ITPR3: variants seen among roughly 807,000 people sequenced by gnomAD.
The protein encoded by ITPR3 is inositol 1,4,5-trisphosphate-gated calcium channel ITPR3.
In ITPR3, 173 loss-of-function variants were observed where a neutral mutation model predicts 293.2. The observed-to-expected ratio is 0.59, with a 90% CI of 0.52 to 0.67. The LOEUF is 0.67. ITPR3 is among the 30% of genes least tolerant of loss of function. The pLI is 0.00. For synonymous variants in ITPR3, 1,295 were observed against 1,444.4 expected (o/e 0.90, Z 2.35); for missense variants, 2,796 against 3,592.1 (o/e 0.78, Z 5.66).
intron 8 of ITPR3, 51 bp from the exon 9 acceptor site, chr6:33,662,860 C>T: frequency 1.3e-6 from 2 of 1,542,432 alleles, no homozygotes; most frequent in Non-Finnish European, 1.8e-6. Context: ...GGGTCTGACT[C>T]CCCATGCCTG....
chr6:33,668,624 A>T lies in ITPR3; in HGVS notation c.1996A>T (p.Ile666Phe). 6.2e-7 allele frequency: 1 copy of T among 1,611,348 alleles called. No homozygotes were observed. The highest frequency in any genetic ancestry group is 8.5e-7 in the Non-Finnish European group (1 of 1,177,860). ...VLDPKNSDILIRTELRPVKEM... is the reference protein window; with the variant it reads ...VLDPKNSDILFRTELRPVKEM... ...GGACCCCAAGAACAGTGACATTCTC[A>T]TCCGGACCGAGTGAGCCCTGTGCCC... The change falls in exon 17 of 58, where the codon ATC becomes TTC. Residue 666 changes from isoleucine to phenylalanine, a missense_variant. Coordinates refer to ENST00000605930, the MANE Select transcript of ITPR3 (RefSeq NM_002224.4).
In ITPR3 at chr6:33,655,930, G is replaced by A. The variant is rs1333046509; in HGVS notation, c.282+43G>A. The stretch of plus-strand genomic sequence containing the variant: ...GGCGTGCATCTGTGCACATGTACCA[G>A]GAACCTGGGTACACAAGCAGCGGTG... On this transcript the variant is annotated intron_variant, in intron 3 of 57. Transcript: ENST00000605930. This position sits in a 1 kb window ranked among gnomAD's most constrained non-coding sequence, Gnocchi z 4.9. The A allele has an allele frequency of 1.9e-6, 3 of 1,611,286 alleles. No homozygotes were observed. The highest frequency in any genetic ancestry group is 3.3e-5 in the Admixed American group (2 of 59,868).
Position 33,684,087 on chromosome 6 carries a change from A to G in ITPR3, c.4856A>G (p.Asp1619Gly), listed in dbSNP as rs778842096. 4.3e-6 allele frequency: 7 copies of G among 1,611,720 alleles called. No homozygotes were observed. The highest frequency in any genetic ancestry group is 5.9e-6 in the Non-Finnish European group (7 of 1,179,960). ...LVQAELSVLVDVLHWPELLFL... is the reference protein window; with the variant it reads ...LVQAELSVLVGVLHWPELLFL... ...CAGGCTGAGCTGTCCGTGCTGGTGG[A>G]TGTCCTGCACTGGCCTGAGCTGCTC... The change falls in exon 36 of 58, where the codon GAT (aspartate) becomes GGT (glycine). Residue 1619 changes from aspartate to glycine, a missense_variant. Asp to Gly is a moderately conservative substitution (Grantham distance 94). Around this residue, in one of 8 missense-constraint regions of ITPR3, gnomAD observed 704 missense variants for 797.5 expected, o/e 0.88. Coordinates refer to ENST00000605930, the MANE Select transcript of ITPR3 (RefSeq NM_002224.4). This position sits in a 1 kb window ranked among gnomAD's most constrained non-coding sequence, Gnocchi z 4.2.
chr6:33,650,094 A>G (rs914991545), intron 2 of ITPR3, among the ~76,000 whole-genome samples: 3 of 151,986 alleles, frequency 2.0e-5, no homozygotes, highest in Non-Finnish European at 2.9e-5. Context: ...ACCTTTTCTC[A>G]TGGTCTTTGA....
chr6:33,662,299 C>G (rs551239487), intron 7 of ITPR3, among the ~76,000 whole-genome samples: 1 of 152,090 alleles, frequency 6.6e-6, no homozygotes, highest in East Asian at 1.9e-4. Context: ...ATGGGAAGGC[C>G]TGGGAGAGCT....
At chr6:33,625,816 T>C (rs1157932982) in intron 1 of ITPR3, among the ~76,000 whole-genome samples, 1 of 152,110 alleles carries the variant, frequency 6.6e-6, no homozygotes, top group Non-Finnish European at 1.5e-5. Context: ...CCAAGAAGTA[T>C]GGGGGTGAAT....
Position 33,683,495 on chromosome 6 carries a change from C to T in ITPR3, c.4788+98C>T. On this transcript the variant is annotated intron_variant, in intron 35 of 57. Coordinates refer to ENST00000605930, the MANE Select transcript of ITPR3 (RefSeq NM_002224.4). The surrounding 1 kb of genome is among the most constrained non-coding windows in gnomAD (Gnocchi z 4.5). Reference sequence around the variant, plus strand: ...GGCAAGTTCTCGGGGAGTGTTTCTTCCTGTCCTGCCCACACTTCCAGGAAG... The same window carrying T: ...GGCAAGTTCTCGGGGAGTGTTTCTTTCTGTCCTGCCCACACTTCCAGGAAG... The T allele has an allele frequency of 6.6e-6, 7 of 1,059,666 alleles. No homozygotes were observed. The highest frequency in any genetic ancestry group is 9.3e-6 in the Non-Finnish European group (7 of 756,330). The allele number at this position is 1,059,666 out of a possible 1,614,324, so 65.6% of individuals were successfully genotyped here. A position where few individuals can be genotyped will look rare whatever the true frequency, so the allele number is the denominator to read the frequency against.
chr6:33,658,831 G>A lies in ITPR3; in HGVS notation c.528+3G>A. 1 of 1,614,084 alleles carries A rather than the reference G, an allele frequency of 6.2e-7. No individual in the cohort carries two copies. Among genetic ancestry groups the A allele is most frequent in the Non-Finnish European group, 8.5e-7 (1 of 1,179,992 alleles). On this transcript the variant is annotated splice_donor_region_variant and intron_variant, in intron 5 of 57. Coordinates refer to ENST00000605930, the MANE Select transcript of ITPR3 (RefSeq NM_002224.4). This position sits in a 1 kb window ranked among gnomAD's most constrained non-coding sequence, Gnocchi z 6.1. ...AGCTGCGGAGCAACGGGGACAACGT[G>A]AGGGCAGGGCCAGGGTTGGAGGGGC... is the stretch of plus-strand genomic sequence containing the variant.
At position 33,695,964 on chromosome 6, in the gene ITPR3, A is replaced by G. The variant is rs1460603154; in HGVS notation, c.*184A>G. 1.7e-6 allele frequency: 1 copy of G among 604,990 alleles called. No individual in the cohort carries two copies. Among genetic ancestry groups the G allele is most frequent in the Non-Finnish European group, 3.0e-6 (1 of 338,888 alleles). 37.5% of individuals were successfully genotyped at this position (604,990 alleles called of 1,614,324 possible). ...ATGGAGGGGGAGCCTCAGAGCTGACAGTCCTGCTTAGAGCCCTTAAAAAGA... is the reference window on the plus strand; with the variant it reads ...ATGGAGGGGGAGCCTCAGAGCTGACGGTCCTGCTTAGAGCCCTTAAAAAGA... On this transcript the variant is annotated 3_prime_UTR_variant, in exon 58 of 58. Coordinates refer to ENST00000605930, the MANE Select transcript of ITPR3 (RefSeq NM_002224.4).
chr6:33,684,826 G>A lies in ITPR3; in HGVS notation c.5190G>A (p.Lys1730=). 6.2e-7 allele frequency: 1 copy of A among 1,614,014 alleles called. No homozygotes were observed. The highest frequency in any genetic ancestry group is 8.5e-7 in the Non-Finnish European group (1 of 1,179,982). The change falls in exon 39 of 58, where the codon AAG becomes AAA. Residue 1730 remains lysine, a synonymous_variant. Coordinates refer to ENST00000605930, the MANE Select transcript of ITPR3 (RefSeq NM_002224.4). This position sits in a 1 kb window ranked among gnomAD's most constrained non-coding sequence, Gnocchi z 4.2. ...AIAATQCRLD[K]EGATKLVCDL... Reference sequence around the variant, plus strand: ...CAGCCACCCAGTGCCGGCTGGACAAGGAGGGGGCCACCAAGTTGGTATGCG... The same window carrying A: ...CAGCCACCCAGTGCCGGCTGGACAAAGAGGGGGCCACCAAGTTGGTATGCG...
intron 1 of ITPR3, among the ~76,000 whole-genome samples, chr6:33,631,218 A>G (rs1477606498): frequency 6.6e-6 from 1 of 152,244 alleles, no homozygotes; most frequent in Non-Finnish European, 1.5e-5. Context: ...AGAGATTGTA[A>G]TAAATAAAAG....
At chr6:33,651,290 AAAAAAG>A (rs1764185742) in intron 2 of ITPR3, among the ~76,000 whole-genome samples, 1 of 151,912 alleles carries the variant, frequency 6.6e-6, no homozygotes, top group South Asian at 2.1e-4. Flanking sequence ...AAAAAAAAAA[AAAAAAG>A]AAAAGTCTGG....
intron 57 of ITPR3, 57 bp downstream of exon 57, chr6:33,695,142 G>T: frequency 6.3e-7 from 1 of 1,583,650 alleles, no homozygotes; most frequent in East Asian, 2.3e-5. Flanking sequence ...GGCAGTCCCT[G>T]CCTGCCTTCA....
At chr6:33,688,564 G>A (rs1397142875) in intron 48 of ITPR3, 92 bp from the exon 49 acceptor site, 6 of 1,565,434 alleles carry the variant, frequency 3.8e-6, no homozygotes, top group Non-Finnish European at 4.3e-6. Context: ...GCTCTTCCAT[G>A]TGTGGCTTCC....
rs942907046 is a variant in ITPR3 at position 33,671,653 on chromosome 6, A to G, written c.2728+347A>G. ...GAGCGGCAGCCCTGCCCTCCCAGAC[A>G]CTCCCAGGCTGCATAAAGTCATCTA... On this transcript the variant is annotated intron_variant, in intron 21 of 57. Transcript: ENST00000605930. Among the ~76,000 whole-genome samples, 18 of 152,152 alleles carry G rather than the reference A, an allele frequency of 1.2e-4. No individual in the cohort carries two copies. The East Asian group carries it at 3.1e-3, about 26-fold the overall frequency.
chr6:33,663,762 A>C lies in ITPR3; in HGVS notation c.1030A>C (p.Arg344=). 1 of 1,614,102 alleles carries C rather than the reference A, an allele frequency of 6.2e-7. No individual in the cohort carries two copies. The highest frequency in any genetic ancestry group is 8.5e-7 in the Non-Finnish European group (1 of 1,180,004). ...GMGAQGRTGR[R]NAGEKIKYCL... ...GGGGGCACAGGGCCGCACAGGCCGC[A>C]GGAATGCTGGGGAGAAGATCAAGTA... The change falls in exon 11 of 58, where the codon AGG becomes CGG. Residue 344 remains arginine, a synonymous_variant. Transcript: ENST00000605930.
At position 33,672,102 on chromosome 6, in the gene ITPR3, C is replaced by A; in HGVS notation, c.2802C>A (p.Ser934=). ...MSTMVLSRKQ[S]VFSAPSLSAG... ...CCATGGTGCTGAGCCGCAAGCAGTC[C>A]GTCTTCAGTGCCCCCAGCCTGTCTG... is the stretch of plus-strand genomic sequence containing the variant. The change falls in exon 22 of 58, where the codon TCC becomes TCA. Residue 934 remains serine, a synonymous_variant. Coordinates refer to ENST00000605930, the MANE Select transcript of ITPR3 (RefSeq NM_002224.4). The surrounding 1 kb of genome is among the most constrained non-coding windows in gnomAD (Gnocchi z 5.0). 1 of 1,613,832 alleles carries A rather than the reference C, an allele frequency of 6.2e-7. No homozygotes were observed. Among genetic ancestry groups the A allele is most frequent in the Non-Finnish European group, 8.5e-7 (1 of 1,179,922 alleles).
intron 1 of ITPR3, among the ~76,000 whole-genome samples, chr6:33,628,148 G>T (rs774446177): frequency 9.2e-5 from 14 of 152,192 alleles, no homozygotes; most frequent in Non-Finnish European, 2.1e-4. Flanking sequence ...TTCAGCTTAG[G>T]GGGAGGTTTC....
intron 1 of ITPR3, among the ~76,000 whole-genome samples, chr6:33,636,025 G>A (rs1223240153): frequency 1.3e-4 from 20 of 150,206 alleles, no homozygotes; most frequent in Admixed American, 8.0e-4. Flanking sequence ...GGTGGCTCAC[G>A]CCTGGAATCC....
Sources: allele counts gnomAD v4.1 joint callset (sites outside exome capture counted in the v4.1 genomes callset), GRCh38; gene constraint gnomAD v4.1.1; regional missense constraint gnomAD v4.1.1; non-coding constraint Gnocchi (gnomAD v3.1); transcripts MANE v1.5; gene names NCBI Gene and HGNC (gene_info 2026-07-23, HGNC 2026-07-21).